The following RPRD1B variants were observed in gnomAD, a reference collection of about 807,000 sequenced individuals.
RPRD1B encodes regulation of nuclear pre-mRNA domain containing 1B, also known as regulation of nuclear pre-mRNA domain-containing protein 1B.
Under a neutral mutation model 41.5 loss-of-function variants are expected in RPRD1B, and 11 were observed. The ratio of observed to expected loss-of-function variants is 0.27; its 90% CI spans 0.17 to 0.44. The LOEUF (loss-of-function observed/expected upper bound fraction) is 0.44, where lower values mean the gene tolerates loss of function less well. Among genes scored for constraint, RPRD1B ranks in the 20% least tolerant of loss-of-function variants. The probability of loss-of-function intolerance (pLI) is 1.00; values close to 1 mark genes in which losing one functional copy is unlikely to be tolerated. For synonymous variants in RPRD1B, 158 were observed against 155.6 expected (o/e 1.02, Z -0.12); for missense variants, 248 against 389.9 (o/e 0.64, Z 3.06).
Position 38,039,253 on chromosome 20 carries a change from C to T in RPRD1B, c.152-1182C>T, listed in dbSNP as rs373322551. ...CCTAATTTTGCATATCTAGATTTCA[C>T]ACGTGTGTAAATTTTCAATAAGAGT... On this transcript the variant is annotated intron_variant, in intron 1 of 6. Transcript: ENST00000373433. Among the ~76,000 whole-genome samples, 10 of 152,244 alleles carry T rather than the reference C, an allele frequency of 6.6e-5. No homozygotes were observed. The East Asian group carries it at 1.9e-3, about 29-fold the overall frequency.
chr20:38,083,478 T>TC (rs1273949333), intron 6 of RPRD1B, among the ~76,000 whole-genome samples: 2 of 152,340 alleles, frequency 1.3e-5, no homozygotes, highest in East Asian at 3.9e-4. Flanking sequence ...CTTTTCATTC[T>TC]CCCCTTGCTT....
At position 38,034,089 on chromosome 20, in the gene RPRD1B, C is replaced by A; in HGVS notation, c.142C>A (p.Leu48Ile). The change falls in exon 1 of 7, where the codon CTC becomes ATC. Residue 48 changes from leucine to isoleucine, a missense_variant. By Grantham distance (5) the Leu-to-Ile change is conservative (BLOSUM62 2). Coordinates refer to ENST00000373433, the MANE Select transcript of RPRD1B (RefSeq NM_021215.4). Reference protein sequence around the residue: ...GPIVSVWHRELRKAKSNRKLT... With the variant: ...GPIVSVWHREIRKAKSNRKLT... ...CATCGTCTCCGTGTGGCACCGCGAG[C>A]TCCGCAAAGGTAAACACCAAATCCC... 1 of 1,613,376 alleles carries A rather than the reference C, an allele frequency of 6.2e-7. No individual in the cohort carries two copies.
intron 3 of RPRD1B, among the ~76,000 whole-genome samples, chr20:38,052,030 C>T (rs1445388581): frequency 3.3e-5 from 5 of 152,300 alleles, no homozygotes; most frequent in South Asian, 4.1e-4. Context: ...GGATTACAGG[C>T]ATGAGCCACC....
chr20:38,046,770 G>T lies in RPRD1B; in HGVS notation c.282-1578G>T, dbSNP rs567706498. Among the ~76,000 whole-genome samples, 3 of 152,302 alleles carry T rather than the reference G, an allele frequency of 2.0e-5. No individual in the cohort carries two copies. In the East Asian group the frequency reaches 5.8e-4, roughly 29 times the overall value. The stretch of plus-strand genomic sequence containing the variant: ...TGTTGAGGCAGGAGGTTGGAGGACG[G>T]GGGTGGGGAAGAGTGGGTAGGAGAT... On this transcript the variant is annotated intron_variant, in intron 2 of 6. Transcript: ENST00000373433.
At chr20:38,039,290 G>A (rs537829154) in intron 1 of RPRD1B, among the ~76,000 whole-genome samples, 1 of 152,092 alleles carries the variant, frequency 6.6e-6, no homozygotes, top group African/African-American at 2.4e-5. Flanking sequence ...TAGTGTTAAT[G>A]TATACTTGTA....
In RPRD1B at chr20:38,037,794, C is replaced by T. The variant is rs138100906; in HGVS notation, c.152-2641C>T. ...CAAGCCCCTTAGATACCTTGTTTGT[C>T]TACTGAGAAGTATATATCAGGTCTT... On this transcript the variant is annotated intron_variant, in intron 1 of 6. Transcript: ENST00000373433. 7.1e-3 allele frequency among the ~76,000 whole-genome samples: 1,081 copies of T among 151,780 alleles called. 5 individuals carry two copies. The highest frequency in any genetic ancestry group is 0.021 in the African/African-American group (864 of 41,384).
intron 2 of RPRD1B, among the ~76,000 whole-genome samples, chr20:38,046,449 G>T (rs1365838749): frequency 1.3e-5 from 2 of 152,210 alleles, no homozygotes; most frequent in Non-Finnish European, 2.9e-5. Context: ...AGCAATGGGA[G>T]AAAATGACAA....
chr20:38,055,177 CAA>C (rs1568650152), intron 3 of RPRD1B, among the ~76,000 whole-genome samples: 2 of 151,984 alleles, frequency 1.3e-5, no homozygotes, highest in Non-Finnish European at 1.5e-5. Context: ...TGTACGGAAA[CAA>C]AAGAGATAAT....
chr20:38,076,671 C>G (rs374009648), intron 6 of RPRD1B, among the ~76,000 whole-genome samples: 1 of 151,920 alleles, frequency 6.6e-6, no homozygotes, highest in African/African-American at 2.4e-5. Flanking sequence ...ACCCCTGCCC[C>G]CAGTGGTCTA....
At position 38,073,893 on chromosome 20, in the gene RPRD1B, C is replaced by T. The variant is rs567458150; in HGVS notation, c.831+7637C>T. Among the ~76,000 whole-genome samples the T allele has an allele frequency of 2.6e-5, 4 of 152,332 alleles. No individual in the cohort carries two copies. The East Asian group carries it at 7.7e-4, about 29-fold the overall frequency. On this transcript the variant is annotated intron_variant, in intron 6 of 6. Transcript: ENST00000373433. ...ATCATCCACTGTGTTCTCCTGGGAG[C>T]TGAGAGGCCCTGCCTAGTGCCGGCC...
chr20:38,083,456 T>C (rs545804394), intron 6 of RPRD1B, among the ~76,000 whole-genome samples: 1 of 152,348 alleles, frequency 6.6e-6, no homozygotes, highest in African/African-American at 2.4e-5. Context: ...TTTTAGTTAG[T>C]ATAGACACTG....
At chr20:38,036,652 C>T (rs1600673209) in intron 1 of RPRD1B, among the ~76,000 whole-genome samples, 1 of 152,204 alleles carries the variant, frequency 6.6e-6, no homozygotes, top group South Asian at 2.1e-4. Context: ...AGGATCTAAA[C>T]AGCGCTATCC....
chr20:38,057,060 T>C (rs2074250086), intron 3 of RPRD1B, among the ~76,000 whole-genome samples: 1 of 152,230 alleles, frequency 6.6e-6, no homozygotes. Context: ...AAATTAGATT[T>C]ATTTTATTTT....
In RPRD1B at chr20:38,048,720, G is replaced by A. The variant is rs770395638; in HGVS notation, c.415+239G>A. 66 of 449,360 alleles carry A rather than the reference G, an allele frequency of 1.5e-4. 1 individual carries two copies. The highest frequency in any genetic ancestry group is 1.9e-4 in the Non-Finnish European group (66 of 340,932). 27.8% of individuals were successfully genotyped at this position (449,360 alleles called of 1,614,324 possible). The stretch of plus-strand genomic sequence containing the variant: ...TTTTGCTCTCTGTTCTCCTTGGCTT[G>A]CTTCTGTCTTTCAGAGACTTTCCTT... On this transcript the variant is annotated intron_variant, in intron 3 of 6. Transcript: ENST00000373433.
At chr20:38,042,135 CAG>C (rs1277149086) in intron 2 of RPRD1B, among the ~76,000 whole-genome samples, 3 of 152,112 alleles carry the variant, frequency 2.0e-5, no homozygotes, top group South Asian at 2.1e-4. Context: ...GTAAACATAA[CAG>C]TGTTATTAAA....
At chr20:38,059,996 G>A (rs1158518505) in intron 5 of RPRD1B, among the ~76,000 whole-genome samples, 2 of 152,162 alleles carry the variant, frequency 1.3e-5, no homozygotes, top group African/African-American at 2.4e-5. Context: ...TGCCCTAGTC[G>A]TGACCTCCCT....
chr20:38,086,980 G>A (rs186308995), intron 6 of RPRD1B, among the ~76,000 whole-genome samples: 98 of 151,430 alleles, frequency 6.5e-4, no homozygotes, highest in Non-Finnish European at 1.2e-3. Flanking sequence ...TTTTTGACAC[G>A]GAATTTCACT....
At chr20:38,048,588 T>C in intron 3 of RPRD1B, 107 bp downstream of exon 3, 5 of 1,486,808 alleles carry the variant, frequency 3.4e-6, no homozygotes, top group Non-Finnish European at 4.5e-6. Flanking sequence ...ATTTTATGAT[T>C]CTTCAGAGAG....
chr20:38,061,991 G>A lies in RPRD1B; in HGVS notation c.655+2471G>A, dbSNP rs192936560. 3.4e-3 allele frequency among the ~76,000 whole-genome samples: 514 copies of A among 152,254 alleles called. 1 individual carries two copies. Among genetic ancestry groups the A allele is most frequent in the Middle Eastern group, 6.8e-3 (2 of 294 alleles). ...GGAGATTACCCTGGATTATTTAAGA[G>A]GGCCCAGTGTAATCACAGGGTCCTT... is the stretch of plus-strand genomic sequence containing the variant. On this transcript the variant is annotated intron_variant, in intron 5 of 6. Coordinates refer to ENST00000373433, the MANE Select transcript of RPRD1B (RefSeq NM_021215.4).
Sources: gnomAD v4.1 joint callset for allele counts (sites outside exome capture counted in the v4.1 genomes callset) on GRCh38, gnomAD v4.1.1 for gene constraint, MANE v1.5 for transcripts, NCBI Gene and HGNC (gene_info 2026-07-23, HGNC 2026-07-21) for gene names.